Variants in AUTS2 observed in about 807,000 individuals in gnomAD.
The protein encoded by AUTS2 is autism susceptibility gene 2 protein.
Under a neutral mutation model 112.4 loss-of-function variants are expected in AUTS2, and 17 were observed. The observed-to-expected ratio is 0.15, with a 90% CI of 0.10 to 0.23. The LOEUF (loss-of-function observed/expected upper bound fraction) is 0.23. Ranked by LOEUF, AUTS2 falls within the 10% of genes least tolerant of loss-of-function variation. The pLI is 1.00. For missense variants in AUTS2, 1,510 were observed against 1,701.6 expected, an observed-to-expected ratio of 0.89 and a Z score of 1.98; for synonymous variants, 751 against 702.7, an observed-to-expected ratio of 1.07 and a Z score of -1.09.
intron 1 of AUTS2, among the ~76,000 whole-genome samples, chr7:69,692,361 C>T (rs1797384777): frequency 6.6e-6 from 1 of 152,154 alleles, no homozygotes; most frequent in Non-Finnish European, 1.5e-5. Flanking sequence ...CACTCTTCTG[C>T]TAGGGCTGTG....
chr7:70,265,874 T>C (rs975613227), intron 4 of AUTS2, among the ~76,000 whole-genome samples: 4 of 152,230 alleles, frequency 2.6e-5, no homozygotes, highest in African/African-American at 7.2e-5. Context: ...CAATTAACTC[T>C]GACTTTGAAG....
Position 70,689,775 on chromosome 7 carries a change from CAAA to C in AUTS2, c.691-8773_691-8771del, listed in dbSNP as rs60869776. Among the ~76,000 whole-genome samples the C allele has an allele frequency of 2.7e-3, 205 of 74,704 alleles. 2 individuals carry two copies. The highest frequency in any genetic ancestry group is 0.013 in the South Asian group (21 of 1,640). The allele number at this position is 74,704 out of a possible 152,430, so 49.0% of individuals were successfully genotyped here. On this transcript the variant is annotated intron_variant, in intron 5 of 18. Transcript: ENST00000342771. ...TAGGCGACAGAGCAAGACTCCGTCT[CAAA>C]AAAAAAAAAAAAAAAAAAAAGATGT...
chr7:70,399,266 A>C (rs1270183260), intron 4 of AUTS2, among the ~76,000 whole-genome samples: 2 of 152,086 alleles, frequency 1.3e-5, no homozygotes, highest in Admixed American at 6.5e-5. Context: ...CTGGGATTAT[A>C]GGCATGAGCC....
At chr7:69,872,408 G>A (rs975531621) in intron 1 of AUTS2, among the ~76,000 whole-genome samples, 4 of 152,144 alleles carry the variant, frequency 2.6e-5, no homozygotes, top group African/African-American at 9.7e-5. Context: ...TGTTGGATAT[G>A]TCCTTAATAT....
At chr7:70,483,160 C>T (rs1469197949) in intron 5 of AUTS2, among the ~76,000 whole-genome samples, 1 of 152,120 alleles carries the variant, frequency 6.6e-6, no homozygotes, top group Non-Finnish European at 1.5e-5. Context: ...CTGCTCCCAG[C>T]CTTTTCCCAC....
At chr7:70,508,860 A>G (rs981339868) in intron 5 of AUTS2, among the ~76,000 whole-genome samples, 5 of 152,236 alleles carry the variant, frequency 3.3e-5, no homozygotes, top group Non-Finnish European at 5.9e-5. Flanking sequence ...TTTGCATTGT[A>G]ACACTTCTGC....
chr7:70,066,232 G>C (rs887921988), intron 2 of AUTS2, among the ~76,000 whole-genome samples: 2 of 152,130 alleles, frequency 1.3e-5, no homozygotes. Context: ...TTGAAGTACA[G>C]TTTGAACTTA....
intron 5 of AUTS2, among the ~76,000 whole-genome samples, chr7:70,636,546 A>T (rs1805542917): frequency 6.6e-6 from 1 of 152,190 alleles, no homozygotes; most frequent in South Asian, 2.1e-4. Flanking sequence ...AAAAACACGG[A>T]ACTTTTTTGA....
chr7:70,781,364 C>CG (rs1554486006), intron 14 of AUTS2: 1 of 120,290 alleles, frequency 8.3e-6, no homozygotes, highest in East Asian at 2.4e-4. Flanking sequence ...GACTCCGTCA[C>CG]AAAAAAAAAA....
Position 70,547,685 on chromosome 7 carries a change from G to A in AUTS2, c.690+111904G>A, listed in dbSNP as rs1050863523. ...GTATTCCATTGTATGGATATACCAC[G>A]TTTTGTTTATCTGTTCATCAGCTTA... On this transcript the variant is annotated intron_variant, in intron 5 of 18. Coordinates refer to ENST00000342771, the MANE Select transcript of AUTS2 (RefSeq NM_015570.4). 3.3e-5 allele frequency among the ~76,000 whole-genome samples: 5 copies of A among 152,228 alleles called. No homozygotes were observed. The East Asian group carries it at 5.8e-4, about 18-fold the overall frequency.
chr7:69,870,243 T>G (rs1433989373), intron 1 of AUTS2, among the ~76,000 whole-genome samples: 1 of 151,800 alleles, frequency 6.6e-6, no homozygotes. Flanking sequence ...CCTTTTAACA[T>G]ATTAGTAAGA....
intron 5 of AUTS2, among the ~76,000 whole-genome samples, chr7:70,510,364 C>T (rs1799132681): frequency 6.6e-6 from 1 of 152,216 alleles, no homozygotes; most frequent in South Asian, 2.1e-4. Flanking sequence ...CTGAAGAAAA[C>T]TAGTTTCCCT....
intron 1 of AUTS2, among the ~76,000 whole-genome samples, chr7:69,604,951 A>G (rs528122551): frequency 4.6e-5 from 7 of 152,370 alleles, no homozygotes; most frequent in Admixed American, 3.9e-4. Flanking sequence ...AGAGTGATCT[A>G]CCGCCAAATA....
At chr7:70,743,243 G>A (rs780901361) in intron 6 of AUTS2, among the ~76,000 whole-genome samples, 2 of 152,002 alleles carry the variant, frequency 1.3e-5, no homozygotes, top group Non-Finnish European at 2.9e-5. Flanking sequence ...TGAGGTGGGC[G>A]GATCACATGA....
At chr7:69,891,431 A>G (rs1470013830) in intron 1 of AUTS2, among the ~76,000 whole-genome samples, 1 of 152,226 alleles carries the variant, frequency 6.6e-6, no homozygotes, top group African/African-American at 2.4e-5. Context: ...CACATCTGCT[A>G]GGAGCATTCA....
chr7:69,819,717 A>G (rs1734395734), intron 1 of AUTS2, among the ~76,000 whole-genome samples: 1 of 152,204 alleles, frequency 6.6e-6, no homozygotes, highest in Admixed American at 6.5e-5. Flanking sequence ...TGCTGAGCTC[A>G]AGTGATCTTC....
chr7:70,253,777 A>G (rs1358432863), intron 4 of AUTS2, among the ~76,000 whole-genome samples: 1 of 151,934 alleles, frequency 6.6e-6, no homozygotes, highest in East Asian at 1.9e-4. Flanking sequence ...CGGCAATACT[A>G]TTTGAGATGA....
chr7:69,636,403 T>G (rs1794522949), intron 1 of AUTS2, among the ~76,000 whole-genome samples: 1 of 151,420 alleles, frequency 6.6e-6, no homozygotes, highest in African/African-American at 2.4e-5. Context: ...CGTGGCTAAT[T>G]TTTGTATTTT....
chr7:69,828,289 C>T (rs940213782), intron 1 of AUTS2, among the ~76,000 whole-genome samples: 5 of 152,156 alleles, frequency 3.3e-5, no homozygotes, highest in African/African-American at 9.7e-5. Flanking sequence ...TTCTAGAAAA[C>T]GTTTCCTTGA....
Sources: allele counts gnomAD v4.1 joint callset (sites outside exome capture counted in the v4.1 genomes callset), GRCh38; gene constraint gnomAD v4.1.1; transcripts MANE v1.5; gene names NCBI Gene and HGNC (gene_info 2026-07-23, HGNC 2026-07-21).